Variants in RELL1 observed in about 807,000 individuals in gnomAD.
The protein encoded by RELL1 is RELT-like protein 1.
RELL1 carries 10 observed loss-of-function variants against 23.0 expected under a neutral mutation model. That is an observed-to-expected ratio of 0.43 (90% CI 0.27 to 0.74). RELL1 has a LOEUF of 0.74. Ranked by LOEUF, RELL1 falls within the 30% of genes least tolerant of loss-of-function variation. RELL1 has a pLI of 0.19. For synonymous variants in RELL1, 146 were observed against 146.8 expected (o/e 0.99, Z 0.04); for missense variants, 315 against 364.4 (o/e 0.86, Z 1.10).
In RELL1 at chr4:37,631,453, C is replaced by G. The variant is rs918442456; in HGVS notation, c.751G>C (p.Ala251Pro). The G allele has an allele frequency of 2.5e-6, 4 of 1,613,996 alleles. No individual in the cohort carries two copies. The highest frequency in any genetic ancestry group is 1.1e-5 in the South Asian group (1 of 91,080). The change falls in exon 6 of 7, where the codon GCT (alanine) becomes CCT (proline). Residue 251 changes from alanine to proline, a missense_variant. Physicochemically the swap from Ala to Pro is conservative, Grantham distance 27. Transcript: ENST00000454158. ...GGCACCTCCCCATTGACGGTTTCAG[C>G]CCCACTAACAGACATCAGGCTTCTC... is the stretch of plus-strand genomic sequence containing the variant. Reference protein sequence around the residue: ...ERRSLMSVSGAETVNGEVPAT... With the variant: ...ERRSLMSVSGPETVNGEVPAT...
intron 1 of RELL1, among the ~76,000 whole-genome samples, chr4:37,663,007 C>T (rs1721407798): frequency 6.6e-6 from 1 of 152,156 alleles, no homozygotes; most frequent in Admixed American, 6.5e-5. Context: ...AGGAAGCCAC[C>T]AACTGTGCCT....
At chr4:37,603,232 G>C (rs1468862540) in intron 6 of RELL1, among the ~76,000 whole-genome samples, 3 of 152,182 alleles carry the variant, frequency 2.0e-5, no homozygotes, top group Non-Finnish European at 4.4e-5. Flanking sequence ...TGCAGAGCTG[G>C]ACACCAGCTG....
At chr4:37,647,297 G>A (rs769043401) in intron 3 of RELL1, 71 bp downstream of exon 3, 1 of 1,029,608 alleles carries the variant, frequency 9.7e-7, no homozygotes, top group South Asian at 1.3e-5. Flanking sequence ...TATAAATCTT[G>A]ACTCTTCGAA....
chr4:37,669,799 C>A (rs942775130), intron 1 of RELL1, among the ~76,000 whole-genome samples: 6 of 151,998 alleles, frequency 3.9e-5, no homozygotes, highest in African/African-American at 1.5e-4. Context: ...GGATTAAGGG[C>A]GGTGCAAGAT....
chr4:37,613,956 A>G (rs893262513), intron 6 of RELL1, among the ~76,000 whole-genome samples: 1 of 152,218 alleles, frequency 6.6e-6, no homozygotes, highest in Non-Finnish European at 1.5e-5. Context: ...GACTGGCATA[A>G]CCCAGGACAG....
chr4:37,594,923 G>T (rs1203290157), intron 6 of RELL1, among the ~76,000 whole-genome samples: 1 of 152,224 alleles, frequency 6.6e-6, no homozygotes, highest in Non-Finnish European at 1.5e-5. Flanking sequence ...AGCAGATAGA[G>T]CACAGTCACT....
downstream of RELL1, chr4:37,588,490 G>T (rs78315729): frequency 0.033 from 6,003 of 179,930 alleles, 135 homozygotes; most frequent in Non-Finnish European, 0.05. Flanking sequence ...TGAGGTTCCT[G>T]TGTCCTCTGT....
chr4:37,662,809 G>A (rs980023948), intron 1 of RELL1, among the ~76,000 whole-genome samples: 11 of 149,562 alleles, frequency 7.4e-5, no homozygotes, highest in East Asian at 4.0e-4. Context: ...CCAAAGCTCC[G>A]TCTTGGGAGG....
At chr4:37,608,822 G>C (rs1186860143), downstream of RELL1, among the ~76,000 whole-genome samples, 1 of 151,928 alleles carries the variant, frequency 6.6e-6, no homozygotes, top group Non-Finnish European at 1.5e-5. Flanking sequence ...GTGGAGACAG[G>C]GTTTCGCCGT....
chr4:37,607,911 A>T (rs140393754), downstream of RELL1, among the ~76,000 whole-genome samples: 580 of 152,284 alleles, frequency 3.8e-3, 4 homozygotes, highest in African/African-American at 0.013. Flanking sequence ...TTCCAACAGC[A>T]TGTGCTCACT....
chr4:37,590,052 A>G (rs183262472), downstream of RELL1: 4 of 1,493,548 alleles, frequency 2.7e-6, no homozygotes, highest in African/African-American at 1.4e-5. Context: ...TTAATGATGG[A>G]GCAGACCTGA....
intron 6 of RELL1, among the ~76,000 whole-genome samples, chr4:37,620,060 C>G (rs1719716467): frequency 6.6e-6 from 1 of 152,136 alleles, no homozygotes; most frequent in African/African-American, 2.4e-5. Flanking sequence ...ATAACTAAAA[C>G]CTTAATTTTT....
chr4:37,600,538 T>C (rs1718988536), intron 6 of RELL1, among the ~76,000 whole-genome samples: 1 of 152,222 alleles, frequency 6.6e-6, no homozygotes, highest in African/African-American at 2.4e-5. Context: ...ATCTTCATCA[T>C]TTAACAATTG....
At chr4:37,638,361 C>G (rs1199573450) in intron 4 of RELL1, 86 bp downstream of exon 4, 7 of 1,075,648 alleles carry the variant, frequency 6.5e-6, no homozygotes, top group Non-Finnish European at 9.8e-6. Context: ...GAAACCTGCT[C>G]TAGCAGAAGA....
downstream of RELL1, chr4:37,589,959 C>T (rs2109463768): frequency 2.6e-6 from 2 of 761,856 alleles, no homozygotes; most frequent in South Asian, 3.5e-5. Flanking sequence ...TTGATTTAGA[C>T]ATACTTATCT....
intron 4 of RELL1, among the ~76,000 whole-genome samples, chr4:37,636,892 G>T (rs1260500110): frequency 6.6e-6 from 1 of 152,200 alleles, no homozygotes; most frequent in African/African-American, 2.4e-5. Flanking sequence ...AGAGCCTACG[G>T]TTGAGGAGAC....
In RELL1 at chr4:37,612,330, A is replaced by AAG. The variant is rs1560328289; in HGVS notation, c.*1015_*1016insCT. Among the ~76,000 whole-genome samples the AAG allele has an allele frequency of 4.0e-5, 1 of 25,108 alleles. No individual in the cohort carries two copies. The allele number at this position is 25,108 out of a possible 152,430, so 16.5% of individuals were successfully genotyped here. A position where few individuals can be genotyped will look rare whatever the true frequency, so the allele number is the denominator to read the frequency against. On this transcript the variant is annotated 3_prime_UTR_variant, in exon 7 of 7. Coordinates refer to ENST00000454158, the MANE Select transcript of RELL1 (RefSeq NM_001085400.2). ...ATCGCTCAGCTAAAGGTTAAAAAAA[A>AAG]AAAAAAAACAAAAAAAAACAAAAAA...
chr4:37,625,020 C>G (rs1310215122), intron 6 of RELL1, among the ~76,000 whole-genome samples: 1 of 152,168 alleles, frequency 6.6e-6, no homozygotes, highest in Non-Finnish European at 1.5e-5. Flanking sequence ...GTATGTCCAG[C>G]AACGATCTCA....
intron 3 of RELL1, among the ~76,000 whole-genome samples, chr4:37,639,413 A>G (rs1029242973): frequency 1.4e-5 from 2 of 147,744 alleles, no homozygotes; most frequent in African/African-American, 5.0e-5. Context: ...AAAAAATTTC[A>G]AGTATTGATC....
Sources: allele counts gnomAD v4.1 joint callset (sites outside exome capture counted in the v4.1 genomes callset), GRCh38; gene constraint gnomAD v4.1.1; transcripts MANE v1.5; gene names NCBI Gene and HGNC (gene_info 2026-07-23, HGNC 2026-07-21).